MAPT: variants seen among roughly 807,000 people sequenced by gnomAD.
The protein encoded by MAPT is microtubule associated protein tau.
In MAPT, 34 loss-of-function variants were observed where a neutral mutation model predicts 67.9. The ratio of observed to expected loss-of-function variants is 0.50; its 90% confidence interval spans 0.38 to 0.67. The LOEUF (loss-of-function observed/expected upper bound fraction) is 0.67. MAPT is among the 30% of genes least tolerant of loss of function. The pLI is 0.00. For missense variants in MAPT, 881 were observed against 1,115.2 expected, an observed-to-expected ratio of 0.79 and a Z score of 2.99; for synonymous variants, 456 against 464.5, an observed-to-expected ratio of 0.98 and a Z score of 0.23.
intron 12 of MAPT, among the ~76,000 whole-genome samples, chr17:46,020,903 C>G (rs2076488716): frequency 6.6e-6 from 1 of 152,034 alleles, no homozygotes; most frequent in Admixed American, 6.6e-5. Context: ...GTCTGAGACC[C>G]AAGTCAGCAT....
In MAPT at chr17:46,024,165, T is replaced by C. The variant is rs779132406; in HGVS notation, c.2496T>C (p.Gly832=). The C allele has an allele frequency of 6.2e-7, 1 of 1,613,712 alleles. No individual in the cohort carries two copies. Among genetic ancestry groups the C allele is most frequent in the Non-Finnish European group, 8.5e-7 (1 of 1,179,864 alleles). ...TGTCTGCCTCCCTGGCCAAGCAGGG[T>C]TTGTGATCAGGCCCCTGGGGCGGTC... ...DEVSASLAKQ[G]L The change falls in exon 13 of 13, where the codon GGT becomes GGC. Residue 832 remains glycine, a synonymous_variant. Coordinates refer to ENST00000262410, the MANE Select transcript of MAPT (RefSeq NM_001377265.1).
intron 1 of MAPT, among the ~76,000 whole-genome samples, chr17:45,962,111 T>A (rs1301053933): frequency 6.6e-6 from 1 of 151,986 alleles, no homozygotes; most frequent in African/African-American, 2.4e-5. Context: ...TGCTGCGGTG[T>A]TGGTAAATTA....
rs63751273 is a variant in MAPT at position 46,010,389 on chromosome 17, C to T, written c.2078C>T (p.Pro693Leu). Reference sequence around the variant, plus strand: ...TCAAAGGATAATATCAAACACGTCCCGGGAGGCGGCAGTGTGAGTACCTTC... The same window carrying T: ...TCAAAGGATAATATCAAACACGTCCTGGGAGGCGGCAGTGTGAGTACCTTC... ...CGSKDNIKHV[P>L]GGGSVQIVYK... The change falls in exon 10 of 13, where the codon CCG becomes CTG. Residue 693 changes from proline to leucine, a missense_variant. This residue lies in a region of MAPT where 34 missense variants were observed against 51.2 expected (regional missense o/e 0.66). Transcript: ENST00000262410. The surrounding 1 kb of genome is among the most constrained non-coding windows in gnomAD (Gnocchi z 4.7). 3 of 1,574,190 alleles carry T rather than the reference C, an allele frequency of 1.9e-6. No individual in the cohort carries two copies. The highest frequency in any genetic ancestry group is 2.6e-6 in the Non-Finnish European group (3 of 1,158,538).
Position 45,983,140 on chromosome 17 carries a change from C to A in MAPT, c.561C>A (p.Ala187=), listed in dbSNP as rs1341250233. 6.3e-7 allele frequency: 1 copy of A among 1,591,326 alleles called. No homozygotes were observed. ...KGGDWAEKGP[A]FPKPATTAYL... The stretch of plus-strand genomic sequence containing the variant: ...GGGACTGGGCCGAGAAGGGTCCGGC[C>A]TTTCCGAAGCCCGCCACCACTGCGT... Residue 187 remains alanine (A), a synonymous_variant, in exon 5 of 13, where the codon GCC becomes GCA. Transcript: ENST00000262410.
chr17:45,953,524 T>C (rs1294194623), intron 1 of MAPT, among the ~76,000 whole-genome samples: 1 of 152,150 alleles, frequency 6.6e-6, no homozygotes, highest in Non-Finnish European at 1.5e-5. Context: ...TGCATTCCAC[T>C]TTTTTCCCCA....
chr17:45,995,653 G>A lies in MAPT; in HGVS notation c.1733-746G>A, dbSNP rs567484123. 6.6e-5 allele frequency among the ~76,000 whole-genome samples: 10 copies of A among 152,294 alleles called. No homozygotes were observed. Among genetic ancestry groups the A allele is most frequent in the African/African-American group, 1.9e-4 (8 of 41,564 alleles). On this transcript the variant is annotated intron_variant, in intron 8 of 12. Transcript: ENST00000262410. This position sits in a 1 kb window ranked among gnomAD's most constrained non-coding sequence, Gnocchi z 4.3. ...CAGCAGCTTCCAGGGTGTTGGAAGG[G>A]TGCGCTAGTAACTGCTATGCATGGC... is the stretch of plus-strand genomic sequence containing the variant.
chr17:45,942,576 G>T (rs1481393940), intron 1 of MAPT, among the ~76,000 whole-genome samples: 5 of 152,184 alleles, frequency 3.3e-5, no homozygotes. Flanking sequence ...CTAGCTCCAG[G>T]CGCCTCTCCA....
intron 9 of MAPT, among the ~76,000 whole-genome samples, chr17:46,008,251 G>A (rs942980841): frequency 6.6e-6 from 1 of 152,094 alleles, no homozygotes; most frequent in Non-Finnish European, 1.5e-5. Context: ...CACCATGCCT[G>A]GCTAACTTTT....
In MAPT at chr17:45,996,920, C is replaced by T. The variant is rs530880303; in HGVS notation, c.1998+256C>T. Among the ~76,000 whole-genome samples the T allele has an allele frequency of 2.3e-4, 35 of 152,344 alleles. No individual in the cohort carries two copies. Among genetic ancestry groups the T allele is most frequent in the African/African-American group, 7.9e-4 (33 of 41,580 alleles). On this transcript the variant is annotated intron_variant, in intron 9 of 12. Transcript: ENST00000262410. The surrounding 1 kb of genome is among the most constrained non-coding windows in gnomAD (Gnocchi z 4.5). ...TGAGTGCCCTCCTCAGGCGAGAGAACGTTCTGGCTCTTCTCTTGCCCCTTC... is the reference window on the plus strand; with the variant it reads ...TGAGTGCCCTCCTCAGGCGAGAGAATGTTCTGGCTCTTCTCTTGCCCCTTC...
intron 2 of MAPT, among the ~76,000 whole-genome samples, chr17:45,970,347 C>T (rs2071536761): frequency 1.3e-5 from 2 of 151,926 alleles, no homozygotes; most frequent in South Asian, 2.1e-4. Context: ...ACCCACCATC[C>T]AGTCATCTAT....
Position 45,922,486 on chromosome 17 carries a change from AACACACAC to A in MAPT, c.-18+27826_-18+27833del, listed in dbSNP as rs59017604. 3.9e-3 allele frequency among the ~76,000 whole-genome samples: 573 copies of A among 146,666 alleles called. 3 individuals are homozygous for A. Among genetic ancestry groups the A allele is most frequent in the African/African-American group, 0.014 (545 of 39,856 alleles). On this transcript the variant is annotated intron_variant, in intron 1 of 12. Transcript: ENST00000262410. ...TCCCGTCCCTGCAGGCTAGCTAGAG[AACACACAC>A]ACACACACACACACACACACACACA...
intron 4 of MAPT, 127 bp downstream of exon 4, chr17:45,978,567 G>T: frequency 2.7e-6 from 2 of 738,592 alleles, no homozygotes. Flanking sequence ...TTAGGGAGTT[G>T]GTTCTTATCA....
At chr17:45,941,709 T>TCCTTCCTTCCTTCCTTCCTTCCTG (rs2067984963) in intron 1 of MAPT, among the ~76,000 whole-genome samples, 2 of 107,284 alleles carry the variant, frequency 1.9e-5, no homozygotes, top group African/African-American at 8.9e-5. Context: ...CTGCCTGCCT[T>TCCTTCCTTCCTTCCTTCCTTCCTG]CCTTCCTTCC....
At chr17:45,959,212 C>T (rs2070106493) in intron 1 of MAPT, among the ~76,000 whole-genome samples, 1 of 152,200 alleles carries the variant, frequency 6.6e-6, no homozygotes, top group African/African-American at 2.4e-5. Context: ...CCTCCACGTA[C>T]AGCCTCCCCC....
intron 1 of MAPT, among the ~76,000 whole-genome samples, chr17:45,961,887 T>G (rs1367912238): frequency 6.6e-6 from 1 of 151,986 alleles, no homozygotes; most frequent in Non-Finnish European, 1.5e-5. Context: ...TTGATTCTCC[T>G]GCCTCAGCCT....
In MAPT at chr17:45,972,439, G is replaced by A. The variant is rs528678526; in HGVS notation, c.220+494G>A. Among the ~76,000 whole-genome samples the A allele has an allele frequency of 7.2e-5, 11 of 152,226 alleles. No individual in the cohort carries two copies. The South Asian group carries it at 1.0e-3, about 14-fold the overall frequency. On this transcript the variant is annotated intron_variant, in intron 3 of 12. Transcript: ENST00000262410. The stretch of plus-strand genomic sequence containing the variant: ...CCTAACCTGTCCTTTCCAGACACTC[G>A]GCATCTAGGTTATTAGCACCTCGCA...
rs191351139 is a variant in MAPT at position 45,942,171 on chromosome 17, C to T, written c.-17-20150C>T. On this transcript the variant is annotated intron_variant, in intron 1 of 12. Coordinates refer to ENST00000262410, the MANE Select transcript of MAPT (RefSeq NM_001377265.1). ...CTTCACAGAGAAAGCCCCTGTTGGG[C>T]ATATATACTCTAGTTTGTTTATTTG... 1.6e-3 allele frequency among the ~76,000 whole-genome samples: 249 copies of T among 152,342 alleles called. 1 individual carries two copies. Among genetic ancestry groups the T allele is most frequent in the African/African-American group, 5.7e-3 (236 of 41,586 alleles).
intron 1 of MAPT, among the ~76,000 whole-genome samples, chr17:45,905,480 G>A (rs912335044): frequency 1.3e-5 from 2 of 152,162 alleles, no homozygotes; most frequent in Admixed American, 6.5e-5. Flanking sequence ...GATGGCTGAT[G>A]AGAAATGCAA....
At chr17:46,019,583 GGT>G (rs2076395169) in intron 12 of MAPT, among the ~76,000 whole-genome samples, 1 of 151,770 alleles carries the variant, frequency 6.6e-6, no homozygotes, top group Non-Finnish European at 1.5e-5. Flanking sequence ...TGCCCAGGCT[GGT>G]CTTGAACTCC....
Sources: allele counts gnomAD v4.1 joint callset (sites outside exome capture counted in the v4.1 genomes callset), GRCh38; gene constraint gnomAD v4.1.1; regional missense constraint gnomAD v4.1.1; non-coding constraint Gnocchi (gnomAD v3.1); transcripts MANE v1.5; gene names NCBI Gene and HGNC (gene_info 2026-07-23, HGNC 2026-07-21).